The following RAMP1 variants were observed in gnomAD, a reference collection of about 807,000 sequenced individuals.
RAMP1 encodes receptor activity modifying protein 1.
RAMP1 carries 7 observed loss-of-function variants against 8.2 expected under a neutral mutation model. The ratio of observed to expected loss-of-function variants is 0.85; its 90% CI spans 0.49 to 1.60. The LOEUF is 1.60. Among genes scored for constraint, RAMP1 ranks in the 40% most tolerant of loss-of-function variants. RAMP1 has a pLI of 0.00. For synonymous variants in RAMP1, 92 were observed against 84.7 expected (o/e 1.09, Z -0.47); for missense variants, 192 against 202.4 (o/e 0.95, Z 0.31).
At chr2:237,888,918 C>G (rs953997763) in intron 2 of RAMP1, among the ~76,000 whole-genome samples, 3 of 151,866 alleles carry the variant, frequency 2.0e-5, no homozygotes, top group African/African-American at 7.3e-5. Context: ...ACTACAGGCA[C>G]CCGCCACCAC....
chr2:237,881,937 A>G (rs1173159431), intron 2 of RAMP1, among the ~76,000 whole-genome samples: 1 of 151,540 alleles, frequency 6.6e-6, no homozygotes, highest in East Asian at 1.9e-4. Context: ...TCTGGATTGG[A>G]GTCCTAGTGG....
chr2:237,882,702 C>T (rs73092525), intron 2 of RAMP1, among the ~76,000 whole-genome samples: 14,076 of 152,196 alleles, frequency 0.092, 694 homozygotes, highest in Middle Eastern at 0.17. Context: ...CCAGTAGCAG[C>T]GAGGGCCTGG....
At chr2:237,884,444 CAGAGA>C (rs1415878977) in intron 2 of RAMP1, among the ~76,000 whole-genome samples, 2 of 152,118 alleles carry the variant, frequency 1.3e-5, no homozygotes, top group Non-Finnish European at 2.9e-5. Context: ...GAAGGCAGAA[CAGAGA>C]AGAGAAGAAT....
intron 1 of RAMP1, among the ~76,000 whole-genome samples, chr2:237,864,432 G>A (rs2062165209): frequency 6.6e-6 from 1 of 152,220 alleles, no homozygotes; most frequent in Non-Finnish European, 1.5e-5. Flanking sequence ...CACCCGGGGT[G>A]GCTCTCTCTG....
chr2:237,866,757 C>A (rs915721312), intron 1 of RAMP1, among the ~76,000 whole-genome samples: 1 of 149,542 alleles, frequency 6.7e-6, no homozygotes, highest in African/African-American at 2.5e-5. Flanking sequence ...GAGACTGAGT[C>A]TCCCTCTTTT....
chr2:237,879,947 G>A lies in RAMP1; in HGVS notation c.191+2585G>A, dbSNP rs140322780. On this transcript the variant is annotated intron_variant, in intron 2 of 2. Coordinates refer to ENST00000254661, the MANE Select transcript of RAMP1 (RefSeq NM_005855.4). ...GGAGGTTGCCGTGAGCCGAGATGGCGCCACTGCACTCCAGCCTGAGGGACA... is the reference window on the plus strand; with the variant it reads ...GGAGGTTGCCGTGAGCCGAGATGGCACCACTGCACTCCAGCCTGAGGGACA... Among the ~76,000 whole-genome samples, 972 of 135,502 alleles carry A rather than the reference G, an allele frequency of 7.2e-3. 16 individuals are homozygous for A. Among genetic ancestry groups the A allele is most frequent in the African/African-American group, 0.027 (926 of 34,276 alleles). The allele number at this position is 135,502 out of a possible 152,430, so 88.9% of individuals were successfully genotyped here.
chr2:237,859,673 AC>A lies in RAMP1; in HGVS notation c.-1del. 6.7e-7 allele frequency: 1 copy of A among 1,501,150 alleles called. No homozygotes were observed. Among genetic ancestry groups the A allele is most frequent in the Non-Finnish European group, 8.9e-7 (1 of 1,125,992 alleles). The allele number at this position is 1,501,150 out of a possible 1,614,324, so 93.0% of individuals were successfully genotyped here. On this transcript the variant is annotated 5_prime_UTR_variant, in exon 1 of 3. Coordinates refer to ENST00000254661, the MANE Select transcript of RAMP1 (RefSeq NM_005855.4). ...CGGACTCGACTCGGCACCGCTGTGC[AC>A]CATGGCCCGGGCCCTGTGCCGCCTC...
intron 2 of RAMP1, among the ~76,000 whole-genome samples, chr2:237,885,128 G>C (rs1264865386): frequency 1.3e-5 from 2 of 152,270 alleles, no homozygotes; most frequent in Non-Finnish European, 2.9e-5. Context: ...CCTGCTAAAA[G>C]AGTCAAGTCA....
chr2:237,867,701 G>A (rs961513170), intron 1 of RAMP1, among the ~76,000 whole-genome samples: 18 of 152,176 alleles, frequency 1.2e-4, no homozygotes, highest in South Asian at 4.1e-4. Flanking sequence ...TGAATGGAGC[G>A]TTTCCTCATT....
chr2:237,904,647 A>G (rs1299937554), intron 2 of RAMP1, among the ~76,000 whole-genome samples: 1 of 152,144 alleles, frequency 6.6e-6, no homozygotes, highest in Non-Finnish European at 1.5e-5. Flanking sequence ...ATAAAGCCAA[A>G]AGTGCTTTCC....
At chr2:237,879,150 G>C (rs2062339469) in intron 2 of RAMP1, among the ~76,000 whole-genome samples, 4 of 152,206 alleles carry the variant, frequency 2.6e-5, no homozygotes, top group Admixed American at 2.0e-4. Context: ...TTTAAATTAA[G>C]ATTGCATTTT....
chr2:237,886,775 C>T (rs1465359575), intron 2 of RAMP1, among the ~76,000 whole-genome samples: 1 of 152,256 alleles, frequency 6.6e-6, no homozygotes, highest in East Asian at 1.9e-4. Context: ...GTTTCACATC[C>T]TCCTGAGTAT....
At chr2:237,893,408 C>T (rs1176954218) in intron 2 of RAMP1, among the ~76,000 whole-genome samples, 1 of 152,194 alleles carries the variant, frequency 6.6e-6, no homozygotes, top group East Asian at 1.9e-4. Flanking sequence ...TCCTCGGACT[C>T]CTTTCTCCAG....
At chr2:237,891,411 A>C (rs2062487619) in intron 2 of RAMP1, among the ~76,000 whole-genome samples, 1 of 152,180 alleles carries the variant, frequency 6.6e-6, no homozygotes, top group South Asian at 2.1e-4. Context: ...CGGCCTCCCA[A>C]AGTGCTGGGA....
intron 2 of RAMP1, among the ~76,000 whole-genome samples, chr2:237,900,125 C>A (rs879455021): frequency 2.0e-5 from 3 of 151,064 alleles, no homozygotes; most frequent in Non-Finnish European, 4.4e-5. Context: ...ATCTCTTATA[C>A]TTCTTCTTTT....
At chr2:237,885,231 C>G (rs936065199) in intron 2 of RAMP1, among the ~76,000 whole-genome samples, 7 of 152,186 alleles carry the variant, frequency 4.6e-5, no homozygotes, top group Admixed American at 1.3e-4. Context: ...TCTGAAATCA[C>G]GAGGGCTGTC....
intron 2 of RAMP1, among the ~76,000 whole-genome samples, chr2:237,901,843 G>A (rs1559952947): frequency 1.0e-5 from 1 of 99,914 alleles, no homozygotes. Flanking sequence ...GGGGTAGATA[G>A]ATGCCAAGCC....
chr2:237,881,376 G>A lies in RAMP1; in HGVS notation c.191+4014G>A, dbSNP rs540913691. 1.2e-4 allele frequency among the ~76,000 whole-genome samples: 19 copies of A among 152,304 alleles called. No individual in the cohort carries two copies. The South Asian group carries it at 2.1e-3, about 17-fold the overall frequency. On this transcript the variant is annotated intron_variant, in intron 2 of 2. Transcript: ENST00000254661. Reference sequence around the variant, plus strand: ...GCCAGTATTTTCCCATTTCAGCATCGACGTGGATGGCCTCACGCATCCGTG... The same window carrying A: ...GCCAGTATTTTCCCATTTCAGCATCAACGTGGATGGCCTCACGCATCCGTG...
chr2:237,904,632 C>T (rs534696268), intron 2 of RAMP1, among the ~76,000 whole-genome samples: 22 of 152,176 alleles, frequency 1.4e-4, no homozygotes, highest in East Asian at 1.4e-3. Flanking sequence ...TTTTAAAAAG[C>T]GAATATAAAG....
Sources: gnomAD v4.1 joint callset for allele counts (sites outside exome capture counted in the v4.1 genomes callset) on GRCh38, gnomAD v4.1.1 for gene constraint, MANE v1.5 for transcripts, NCBI Gene and HGNC (gene_info 2026-07-23, HGNC 2026-07-21) for gene names.